The following RGS22 variants were observed in gnomAD, a reference collection of about 807,000 sequenced individuals.
The protein encoded by RGS22 is regulator of G-protein signaling 22.
Under a neutral mutation model 172.9 loss-of-function variants are expected in RGS22, and 148 were observed. That is an observed-to-expected ratio of 0.86 (90% confidence interval 0.75 to 0.98). The LOEUF is 0.98. RGS22 is among the 50% of genes least tolerant of loss of function. The pLI, the probability that RGS22 is intolerant of heterozygous loss-of-function variation, is 0.00. For synonymous variants in RGS22, 458 were observed against 480.2 expected (o/e 0.95, Z 0.60); for missense variants, 1,347 against 1,440.8 (o/e 0.93, Z 1.05).
intron 27 of RGS22, among the ~76,000 whole-genome samples, chr8:99,962,027 C>G (rs1810252858): frequency 6.6e-6 from 1 of 151,814 alleles, no homozygotes; most frequent in Non-Finnish European, 1.5e-5. Context: ...ATAATCACCT[C>G]AGAATCTGTG....
At chr8:100,010,454 G>T (rs147680560) in intron 14 of RGS22, among the ~76,000 whole-genome samples, 23 of 152,206 alleles carry the variant, frequency 1.5e-4, no homozygotes, top group African/African-American at 5.3e-4. Context: ...CCACTGCACT[G>T]CAGCCTGGCA....
chr8:100,018,212 CAAA>C (rs68011450), intron 14 of RGS22, among the ~76,000 whole-genome samples: 105 of 134,848 alleles, frequency 7.8e-4, no homozygotes, highest in African/African-American at 1.5e-3. Context: ...GCATCTGTAT[CAAA>C]AAAAAAAAAA....
rs573965315 is a variant in RGS22 at position 100,062,601 on chromosome 8, G to A, written c.1504C>T (p.Leu502Phe). ...TTCATGTTTTCTTACCAATACAGAA[G>A]TAAAGGTTTTAAAACTTCAGACTGA... is the stretch of plus-strand genomic sequence containing the variant. ...NIQSEVLKPL[L>F]LYWAPRFCVT... Residue 502 changes from leucine (L) to phenylalanine (F), a missense_variant, in exon 9 of 28, where the codon CTT becomes TTT. Transcript: ENST00000360863. The A allele has an allele frequency of 1.6e-5, 25 of 1,595,122 alleles. No homozygotes were observed. Among genetic ancestry groups the A allele is most frequent in the African/African-American group, 2.7e-5 (2 of 74,324 alleles).
chr8:100,012,144 G>A (rs1816450953), intron 14 of RGS22, among the ~76,000 whole-genome samples: 1 of 151,796 alleles, frequency 6.6e-6, no homozygotes. Flanking sequence ...AAGAATCAAA[G>A]GTGCTGGTTA....
chr8:99,982,222 G>C, intron 21 of RGS22, 106 bp from the exon 22 acceptor site: 2 of 838,906 alleles, frequency 2.4e-6, no homozygotes, highest in Non-Finnish European at 3.5e-6. Flanking sequence ...TTCAACTTTA[G>C]GTCAAGAAGG....
intron 14 of RGS22, among the ~76,000 whole-genome samples, chr8:100,036,996 T>A (rs898690496): frequency 1.3e-5 from 2 of 152,208 alleles, no homozygotes; most frequent in African/African-American, 4.8e-5. Context: ...GAGAGTCATA[T>A]ATCTATTATA....
intron 10 of RGS22, among the ~76,000 whole-genome samples, chr8:100,048,124 A>G (rs1262406290): frequency 1.3e-5 from 2 of 152,160 alleles, no homozygotes; most frequent in African/African-American, 4.8e-5. Context: ...ATTTATGGTA[A>G]AAGTTAACAA....
At position 100,080,219 on chromosome 8, in the gene RGS22, A is replaced by T; in HGVS notation, c.254T>A (p.Val85Glu). Residue 85 changes from valine (V) to glutamate (E), a missense_variant, in exon 4 of 28, where the codon GTA becomes GAA. Physicochemically the swap from Val to Glu is moderately radical, Grantham distance 121. Coordinates refer to ENST00000360863, the MANE Select transcript of RGS22 (RefSeq NM_015668.5). The stretch of plus-strand genomic sequence containing the variant: ...TTTAACCTCATTCTTTCCTTTCCTT[A>T]CAACATCATAAATGGGATTTCGAGG... Reference protein sequence around the residue: ...QQPRNPIYDVVRKGKNEVKPV... With the variant: ...QQPRNPIYDVERKGKNEVKPV... 1 of 1,613,716 alleles carries T rather than the reference A, an allele frequency of 6.2e-7. No homozygotes were observed. Among genetic ancestry groups the T allele is most frequent in the Non-Finnish European group, 8.5e-7 (1 of 1,179,734 alleles).
chr8:100,081,540 G>A (rs1011539712), intron 3 of RGS22, among the ~76,000 whole-genome samples: 6 of 151,834 alleles, frequency 4.0e-5, no homozygotes, highest in African/African-American at 1.5e-4. Context: ...GATAAGTATT[G>A]CTCAATGAGT....
chr8:100,009,332 T>C (rs1267012018), intron 14 of RGS22, among the ~76,000 whole-genome samples: 1 of 151,262 alleles, frequency 6.6e-6, no homozygotes, highest in African/African-American at 2.4e-5. Flanking sequence ...GCAGAAGTAA[T>C]TGCTTGAACC....
At chr8:100,033,752 AG>A (rs1589024204) in intron 14 of RGS22, among the ~76,000 whole-genome samples, 1 of 150,790 alleles carries the variant, frequency 6.6e-6, no homozygotes, top group East Asian at 1.9e-4. Flanking sequence ...CACATCAAAA[AG>A]CTTATCCACC....
In RGS22 at chr8:100,008,452, C is replaced by T. The variant is rs765453638; in HGVS notation, c.2284G>A (p.Ala762Thr). Residue 762 changes from alanine to threonine, a missense_variant, in exon 15 of 28, where the codon GCA becomes ACA. Physicochemically the swap from Ala to Thr is moderately conservative, Grantham distance 58. Coordinates refer to ENST00000360863, the MANE Select transcript of RGS22 (RefSeq NM_015668.5). ...AGGAGGAGAAGGATATATTCCTCTG[C>T]TGTGTCAAAAAGGTCTTCAAATGGT... ...QPPFEDLFDT[A>T]EEYILLLLLE... 6 of 1,613,640 alleles carry T rather than the reference C, an allele frequency of 3.7e-6. No homozygotes were observed. The highest frequency in any genetic ancestry group is 3.3e-5 in the South Asian group (3 of 90,942).
At chr8:100,085,106 G>T (rs1812067970) in intron 3 of RGS22, among the ~76,000 whole-genome samples, 1 of 152,106 alleles carries the variant, frequency 6.6e-6, no homozygotes, top group Non-Finnish European at 1.5e-5. Context: ...TCAGTAAAAA[G>T]AAGTTGTAAC....
At chr8:100,059,003 A>G (rs1485512110) in intron 9 of RGS22, among the ~76,000 whole-genome samples, 6 of 152,140 alleles carry the variant, frequency 3.9e-5, no homozygotes, top group Non-Finnish European at 7.4e-5. Flanking sequence ...AAACATTTAA[A>G]AGTGGGGAGG....
chr8:100,041,472 A>C (rs941880825), intron 12 of RGS22, among the ~76,000 whole-genome samples: 8 of 147,434 alleles, frequency 5.4e-5, no homozygotes, highest in Admixed American at 4.9e-4. Flanking sequence ...CCTGGGCAAC[A>C]GAGCAAGACT....
At chr8:99,999,446 A>G in intron 18 of RGS22, 26 bp from the exon 19 acceptor site, 2 of 1,608,528 alleles carry the variant, frequency 1.2e-6, no homozygotes, top group South Asian at 1.1e-5. Flanking sequence ...TGGAAACAGA[A>G]ACTATTGTGC....
chr8:99,984,766 A>C (rs1410355209), intron 21 of RGS22, among the ~76,000 whole-genome samples: 1 of 151,146 alleles, frequency 6.6e-6, no homozygotes, highest in Non-Finnish European at 1.5e-5. Context: ...TGTTGGATAA[A>C]TAAATCCTTC....
intron 2 of RGS22, among the ~76,000 whole-genome samples, chr8:100,099,207 C>G (rs1272390382): frequency 6.6e-6 from 1 of 152,128 alleles, no homozygotes; most frequent in African/African-American, 2.4e-5. Flanking sequence ...AGCCATTGCG[C>G]CTGGCCCAGA....
chr8:100,011,692 G>A (rs1816404501), intron 14 of RGS22, among the ~76,000 whole-genome samples: 1 of 152,102 alleles, frequency 6.6e-6, no homozygotes, highest in South Asian at 2.1e-4. Flanking sequence ...CCAGCCTCGA[G>A]TTTTTAATGT....
Sources: allele counts gnomAD v4.1 joint callset (sites outside exome capture counted in the v4.1 genomes callset), GRCh38; gene constraint gnomAD v4.1.1; transcripts MANE v1.5; gene names NCBI Gene and HGNC (gene_info 2026-07-23, HGNC 2026-07-21).